PAM: variants seen among roughly 807,000 people sequenced by gnomAD.
The protein encoded by PAM is peptidylglycine alpha-amidating monooxygenase.
Under a neutral mutation model 122.1 loss-of-function variants are expected in PAM, and 72 were observed. The observed-to-expected ratio is 0.59, with a 90% confidence interval of 0.49 to 0.72. PAM has a LOEUF of 0.72. PAM is among the 30% of genes least tolerant of loss of function. PAM has a pLI of 0.00. For missense variants in PAM, 1,106 were observed against 1,183.7 expected, an observed-to-expected ratio of 0.93 and a Z score of 0.96; for synonymous variants, 389 against 404.4, an observed-to-expected ratio of 0.96 and a Z score of 0.46.
At chr5:102,941,443 C>T (rs534297027) in intron 7 of PAM, among the ~76,000 whole-genome samples, 62 of 152,320 alleles carry the variant, frequency 4.1e-4, no homozygotes, top group African/African-American at 1.4e-3. Flanking sequence ...TTATTTAGCA[C>T]TGAAGGTCAT....
At chr5:102,881,819 T>C (rs1201432996) in intron 3 of PAM, among the ~76,000 whole-genome samples, 2 of 151,262 alleles carry the variant, frequency 1.3e-5, no homozygotes, top group African/African-American at 4.8e-5. Context: ...GTACCCAGTG[T>C]GTAGTCTTTT....
chr5:102,986,160 A>G (rs1463300649), intron 15 of PAM, among the ~76,000 whole-genome samples: 2 of 152,298 alleles, frequency 1.3e-5, no homozygotes, highest in Non-Finnish European at 2.9e-5. Context: ...CCTTTCCTTT[A>G]AGAAGTGGAA....
chr5:102,895,197 T>G (rs983578120), intron 3 of PAM, among the ~76,000 whole-genome samples: 8 of 151,852 alleles, frequency 5.3e-5, no homozygotes, highest in African/African-American at 1.9e-4. Context: ...TTGAAAATAC[T>G]ATTTCTTACG....
intron 4 of PAM, among the ~76,000 whole-genome samples, chr5:102,912,911 T>C (rs895617430): frequency 3.3e-5 from 5 of 152,090 alleles, no homozygotes; most frequent in Non-Finnish European, 5.9e-5. Flanking sequence ...CACATAGTGC[T>C]ATGTTTTTGG....
At position 102,990,272 on chromosome 5, in the gene PAM, ATTT is replaced by A; in HGVS notation, c.1485_1487del (p.Phe496del). The A allele has an allele frequency of 6.5e-7, 1 of 1,537,278 alleles. No homozygotes were observed. ...CTAAATGTGTGGATATATCTTTTAG[ATTT>A]CCACATGGAAGAGGCACTGGATTGG... On this transcript the variant is annotated inframe_deletion and splice_region_variant, in exon 16 of 26. Transcript: ENST00000438793.
chr5:102,866,212 C>G lies in PAM; in HGVS notation c.17C>G (p.Pro6Arg). ...GGCGTGGACATGGCTGGCCGCGTCCCTAGCCTGCTAGTTCTCCTTGTTTTT... is the reference window on the plus strand; with the variant it reads ...GGCGTGGACATGGCTGGCCGCGTCCGTAGCCTGCTAGTTCTCCTTGTTTTT... MAGRV[P>R]SLLVLLVFPS... Residue 6 changes from proline to arginine, a missense_variant, in exon 2 of 26, where the codon CCT becomes CGT. Physicochemically the swap from Pro to Arg is moderately radical, Grantham distance 103 (BLOSUM62 -2). Transcript: ENST00000438793. 1 of 1,613,226 alleles carries G rather than the reference C, an allele frequency of 6.2e-7. No homozygotes were observed. Among genetic ancestry groups the G allele is most frequent in the Non-Finnish European group, 8.5e-7 (1 of 1,179,554 alleles).
rs531517490 is a variant in PAM at position 102,829,492 on chromosome 5, C to T, written c.-373-36331C>T. ...GCTCACACCATTCTCCTGCCTCAGC[C>T]TCCCGAGTAGCTGGGACTACAGGTG... On this transcript the variant is annotated intron_variant, in intron 1 of 25. Transcript: ENST00000438793. Among the ~76,000 whole-genome samples the T allele has an allele frequency of 1.6e-4, 24 of 151,984 alleles. No individual in the cohort carries two copies. In the South Asian group the frequency reaches 2.1e-3, roughly 13 times the overall value.
intron 15 of PAM, chr5:102,987,438 G>C (rs1772250446): frequency 1.7e-5 from 7 of 409,650 alleles, no homozygotes; most frequent in South Asian, 1.1e-4. Context: ...AACATGTAGA[G>C]AGATGAAATA....
chr5:102,974,576 T>G, intron 15 of PAM, 140 bp downstream of exon 15: 1 of 591,160 alleles, frequency 1.7e-6, no homozygotes, highest in Non-Finnish European at 2.9e-6. Context: ...TTACTCAGAT[T>G]TGGGCTATCA....
intron 1 of PAM, among the ~76,000 whole-genome samples, chr5:102,782,821 T>G (rs1759415959): frequency 6.9e-6 from 1 of 144,642 alleles, no homozygotes; most frequent in South Asian, 2.2e-4. Flanking sequence ...TGTCAATCAG[T>G]TTTTTTTTTT....
intron 15 of PAM, among the ~76,000 whole-genome samples, chr5:102,977,658 GCACACACA>G (rs10527378): frequency 0.018 from 2,565 of 143,022 alleles, 39 homozygotes; most frequent in African/African-American, 0.022. Context: ...ATGCATGTGC[GCACACACA>G]CACACACACA....
intron 3 of PAM, among the ~76,000 whole-genome samples, chr5:102,881,373 AT>A (rs1208469454): frequency 9.3e-5 from 14 of 151,130 alleles, no homozygotes; most frequent in South Asian, 4.2e-4. Context: ...AAAAGTTACT[AT>A]TTTTTTTTAC....
intron 1 of PAM, among the ~76,000 whole-genome samples, chr5:102,780,731 C>G (rs1246002695): frequency 6.6e-6 from 1 of 151,948 alleles, no homozygotes; most frequent in Admixed American, 6.6e-5. Context: ...GTTTCTTAAC[C>G]TCAGCACCTT....
At chr5:103,028,350 T>C (rs1295481271) in intron 25 of PAM, 112 bp downstream of exon 25, 18 of 749,160 alleles carry the variant, frequency 2.4e-5, no homozygotes, top group Non-Finnish European at 4.2e-5. Context: ...TAAAGCACCT[T>C]GTATGCAGCT....
chr5:103,027,220 T>A (rs1033791718), intron 24 of PAM, among the ~76,000 whole-genome samples: 1 of 152,196 alleles, frequency 6.6e-6, no homozygotes, highest in Non-Finnish European at 1.5e-5. Context: ...GCTAGGCACA[T>A]GGGGATACAA....
At chr5:102,832,405 A>T (rs964980206) in intron 1 of PAM, among the ~76,000 whole-genome samples, 8 of 152,044 alleles carry the variant, frequency 5.3e-5, no homozygotes, top group African/African-American at 1.9e-4. Flanking sequence ...CACAGAAGAT[A>T]CCTTCCAAGA....
At chr5:102,926,449 T>C in intron 6 of PAM, 136 bp from the exon 7 acceptor site, 1 of 596,818 alleles carries the variant, frequency 1.7e-6, no homozygotes, top group Non-Finnish European at 3.0e-6. Flanking sequence ...CAGTCAATGG[T>C]ATATTTCTGT....
chr5:103,009,883 T>C lies in PAM; in HGVS notation c.2331+17T>C. ...GTGCGCAAGGTATTTACACACATTGTCTAGGTTTCAATTTTCATGAGAAGA... is the reference window on the plus strand; with the variant it reads ...GTGCGCAAGGTATTTACACACATTGCCTAGGTTTCAATTTTCATGAGAAGA... On this transcript the variant is annotated intron_variant, in intron 21 of 25. Transcript: ENST00000438793. The C allele has an allele frequency of 7.6e-7, 1 of 1,310,262 alleles. No homozygotes were observed. 81.2% of individuals were successfully genotyped at this position (1,310,262 alleles called of 1,614,324 possible).
chr5:102,948,582 C>T (rs1391930240), intron 9 of PAM, 137 bp downstream of exon 9: 14 of 546,656 alleles, frequency 2.6e-5, no homozygotes, highest in Non-Finnish European at 3.6e-5. Context: ...ACTTTATTGT[C>T]CTTGGATTTA....
Sources: gnomAD v4.1 joint callset for allele counts (sites outside exome capture counted in the v4.1 genomes callset) on GRCh38, gnomAD v4.1.1 for gene constraint, MANE v1.5 for transcripts, NCBI Gene and HGNC (gene_info 2026-07-23, HGNC 2026-07-21) for gene names.